AOPEP: variants seen among roughly 807,000 people sequenced by gnomAD.
AOPEP encodes the protein aminopeptidase O.
Under a neutral mutation model 98.1 loss-of-function variants are expected in AOPEP, and 77 were observed. That is an observed-to-expected ratio of 0.78 (90% CI 0.65 to 0.95). The LOEUF (loss-of-function observed/expected upper bound fraction) is 0.95. AOPEP is among the 40% of genes least tolerant of loss of function. The pLI, the probability that AOPEP is intolerant of heterozygous loss-of-function variation, is 0.00. For synonymous variants in AOPEP, 346 were observed against 365.3 expected (o/e 0.95, Z 0.60); for missense variants, 1,024 against 1,024.7 (o/e 1.00, Z 0.01).
At chr9:94,955,316 G>A in intron 8 of AOPEP, 37 bp downstream of exon 8, 1 of 1,358,450 alleles carries the variant, frequency 7.4e-7, no homozygotes, top group East Asian at 2.3e-5. Flanking sequence ...AGTGATTGTG[G>A]TGCAGCACTT....
chr9:94,729,514 A>G (rs1443750472), intron 1 of AOPEP, among the ~76,000 whole-genome samples: 1 of 151,610 alleles, frequency 6.6e-6, no homozygotes, highest in Non-Finnish European at 1.5e-5. Context: ...TCGAGGCTGC[A>G]GTGAGCTGTG....
intron 1 of AOPEP, among the ~76,000 whole-genome samples, chr9:94,753,289 T>C (rs1411894131): frequency 1.5e-4 from 23 of 152,144 alleles, no homozygotes; most frequent in Non-Finnish European, 2.9e-5. Flanking sequence ...TATTTGTAAA[T>C]ACAAATAAAT....
chr9:94,992,090 T>C (rs544233567), intron 11 of AOPEP, among the ~76,000 whole-genome samples: 1 of 152,376 alleles, frequency 6.6e-6, no homozygotes, highest in Non-Finnish European at 1.5e-5. Context: ...CCAGAGTCCC[T>C]GTCTTTTGCC....
chr9:94,960,078 T>G (rs747773653), intron 9 of AOPEP, among the ~76,000 whole-genome samples: 1 of 152,190 alleles, frequency 6.6e-6, no homozygotes, highest in East Asian at 1.9e-4. Flanking sequence ...TACCTATATA[T>G]TCCATTTGTA....
chr9:95,096,334 T>C, the AOPEP span, among the ~76,000 whole-genome samples: 6 of 151,724 alleles, frequency 4.0e-5, no homozygotes, highest in African/African-American at 1.4e-4. Flanking sequence ...ACGGGCTGGA[T>C]GTGGAGGTGG....
At chr9:94,860,034 G>A (rs994515421) in intron 5 of AOPEP, among the ~76,000 whole-genome samples, 10 of 152,178 alleles carry the variant, frequency 6.6e-5, no homozygotes, top group Non-Finnish European at 1.5e-4. Flanking sequence ...AATGGAGTAC[G>A]ACAAACTGGT....
chr9:94,829,325 G>A lies in AOPEP; in HGVS notation c.1364+28323G>A, dbSNP rs114427569. Among the ~76,000 whole-genome samples the A allele has an allele frequency of 7.4e-3, 1,123 of 152,246 alleles. 15 individuals are homozygous for A. The highest frequency in any genetic ancestry group is 0.026 in the African/African-American group (1,084 of 41,530). ...TATCAAATACCTATTTATTTTCAAT[G>A]TGGAAAAATTTCAGGCCTTTTCTGT... On this transcript the variant is annotated intron_variant, in intron 5 of 16. Transcript: ENST00000375315.
intron 5 of AOPEP, among the ~76,000 whole-genome samples, chr9:94,923,324 T>G (rs1479658468): frequency 6.6e-6 from 1 of 152,212 alleles, no homozygotes; most frequent in African/African-American, 2.4e-5. Flanking sequence ...GTGGGATAAC[T>G]CCCTGCCTTC....
chr9:94,882,130 A>G (rs1215117763), intron 5 of AOPEP, among the ~76,000 whole-genome samples: 1 of 152,224 alleles, frequency 6.6e-6, no homozygotes, highest in Admixed American at 6.5e-5. Context: ...GCTGATCACA[A>G]GCTCTTACTT....
At chr9:94,989,425 C>T (rs939371648) in intron 11 of AOPEP, among the ~76,000 whole-genome samples, 4 of 151,792 alleles carry the variant, frequency 2.6e-5, no homozygotes, top group African/African-American at 4.8e-5. Flanking sequence ...TTAGTAGAGA[C>T]GGGCTTTCAC....
downstream of AOPEP, among the ~76,000 whole-genome samples, chr9:95,090,715 A>AG (rs2070855743): frequency 6.6e-6 from 1 of 152,220 alleles, no homozygotes; most frequent in African/African-American, 2.4e-5. Flanking sequence ...CAGGGGTATA[A>AG]GGGCAGGGAA....
intron 5 of AOPEP, among the ~76,000 whole-genome samples, chr9:94,923,220 T>C (rs1316164499): frequency 1.3e-5 from 2 of 152,178 alleles, no homozygotes; most frequent in Non-Finnish European, 2.9e-5. Context: ...GCAGTTTTAA[T>C]GGTGATATTT....
chr9:95,028,919 C>T (rs2064065986), intron 13 of AOPEP, among the ~76,000 whole-genome samples: 1 of 152,200 alleles, frequency 6.6e-6, no homozygotes, highest in South Asian at 2.1e-4. Context: ...CCGCGAGAGC[C>T]ATTGGCCCCA....
intron 16 of AOPEP, chr9:95,086,106 A>C (rs1454979149): frequency 1.6e-5 from 22 of 1,366,784 alleles, no homozygotes; most frequent in Non-Finnish European, 2.1e-5. Flanking sequence ...CTTGAGCAAA[A>C]AGCCTTCGTG....
At chr9:95,034,983 T>G (rs1211917795) in intron 13 of AOPEP, among the ~76,000 whole-genome samples, 1 of 151,826 alleles carries the variant, frequency 6.6e-6, no homozygotes. Flanking sequence ...TTTTTTCTTT[T>G]TTTTTTTTTT....
chr9:94,875,347 G>GAAAAAAAAAAAAAAAA (rs71366265), intron 5 of AOPEP, among the ~76,000 whole-genome samples: 5 of 71,526 alleles, frequency 7.0e-5, no homozygotes, highest in East Asian at 4.2e-4. Context: ...AATTGAGCAA[G>GAAAAAAAAAAAAAAAA]AAAAAAAAAA....
intron 10 of AOPEP, among the ~76,000 whole-genome samples, chr9:94,976,141 T>C (rs1011089407): frequency 1.3e-5 from 2 of 152,162 alleles, no homozygotes; most frequent in African/African-American, 4.8e-5. Context: ...CTGCCTGGTG[T>C]CTATTACACA....
the AOPEP span, among the ~76,000 whole-genome samples, chr9:95,118,579 C>T: frequency 2.0e-5 from 3 of 152,202 alleles, no homozygotes; most frequent in Non-Finnish European, 2.9e-5. Context: ...TCATTCCCTC[C>T]ACCCCACCCT....
chr9:95,101,849 A>T, the AOPEP span: 1 of 1,613,954 alleles, frequency 6.2e-7, no homozygotes, highest in South Asian at 1.1e-5. Context: ...AGTGTGAGCC[A>T]TCTGCAATCA....
Sources: allele counts gnomAD v4.1 joint callset (sites outside exome capture counted in the v4.1 genomes callset), GRCh38; gene constraint gnomAD v4.1.1; transcripts MANE v1.5; gene names NCBI Gene and HGNC (gene_info 2026-07-23, HGNC 2026-07-21).